Variants in CNTNAP2 observed in about 807,000 individuals in gnomAD.
The protein encoded by CNTNAP2 is contactin associated protein 2.
Under a neutral mutation model 155.2 loss-of-function variants are expected in CNTNAP2, and 98 were observed. The observed-to-expected ratio is 0.63, with a 90% CI of 0.54 to 0.75. The LOEUF (loss-of-function observed/expected upper bound fraction) is 0.75. Among genes scored for constraint, CNTNAP2 ranks in the 30% least tolerant of loss-of-function variants. The pLI, the probability that CNTNAP2 is intolerant of heterozygous loss-of-function variation, is 0.00. For synonymous variants in CNTNAP2, 651 were observed against 631.2 expected (o/e 1.03, Z -0.47); for missense variants, 1,727 against 1,688.1 (o/e 1.02, Z -0.40).
At chr7:146,603,208 C>T (rs945265514) in intron 1 of CNTNAP2, among the ~76,000 whole-genome samples, 4 of 151,160 alleles carry the variant, frequency 2.6e-5, no homozygotes, top group Admixed American at 6.6e-5. Context: ...GTCAGGAGAT[C>T]GAGACCATCC....
At chr7:146,952,792 A>C (rs986990161) in intron 3 of CNTNAP2, among the ~76,000 whole-genome samples, 1 of 151,936 alleles carries the variant, frequency 6.6e-6, no homozygotes, top group Admixed American at 6.6e-5. Context: ...CTTTTCTTAC[A>C]TTTCTAAAGG....
intron 17 of CNTNAP2, among the ~76,000 whole-genome samples, chr7:148,163,200 G>C (rs943256846): frequency 2.0e-5 from 3 of 152,162 alleles, no homozygotes; most frequent in African/African-American, 7.2e-5. Context: ...AGGCTTAAAA[G>C]CTATCCAGCC....
intron 8 of CNTNAP2, among the ~76,000 whole-genome samples, chr7:147,264,294 A>G (rs1804558225): frequency 6.6e-6 from 1 of 152,156 alleles, no homozygotes; most frequent in African/African-American, 2.4e-5. Context: ...CCAGAGAAGC[A>G]TGGAATTTTA....
chr7:147,040,111 G>A (rs536460857), intron 3 of CNTNAP2, among the ~76,000 whole-genome samples: 1 of 152,084 alleles, frequency 6.6e-6, no homozygotes, highest in Non-Finnish European at 1.5e-5. Context: ...ATTTACAAGA[G>A]TAAAACAACC....
At chr7:146,891,787 T>G (rs1001047029) in intron 3 of CNTNAP2, among the ~76,000 whole-genome samples, 1 of 152,156 alleles carries the variant, frequency 6.6e-6, no homozygotes, top group African/African-American at 2.4e-5. Flanking sequence ...GCAGGCCTCG[T>G]CAACACAGCA....
intron 21 of CNTNAP2, among the ~76,000 whole-genome samples, chr7:148,332,014 C>T (rs1585281692): frequency 6.6e-6 from 1 of 152,112 alleles, no homozygotes; most frequent in Non-Finnish European, 1.5e-5. Context: ...TCCTCCCAGA[C>T]CAGGGAAGCA....
chr7:146,200,278 G>A (rs935650725), intron 1 of CNTNAP2, among the ~76,000 whole-genome samples: 2 of 151,954 alleles, frequency 1.3e-5, no homozygotes, highest in Non-Finnish European at 2.9e-5. Context: ...GGCGGATCAC[G>A]ATGTCAAGAG....
rs978318100 is a variant in CNTNAP2 at position 146,634,210 on chromosome 7, T to C, written c.98-140061T>C. On this transcript the variant is annotated intron_variant, in intron 1 of 23. Coordinates refer to ENST00000361727, the MANE Select transcript of CNTNAP2 (RefSeq NM_014141.6). ...ATGAGATTACAGTGTGGCTATTCTT[T>C]TGTAACAAAGTACTTGATTATCTAG... Among the ~76,000 whole-genome samples the C allele has an allele frequency of 2.6e-5, 4 of 152,190 alleles. No individual in the cohort carries two copies. The South Asian group carries it at 6.2e-4, about 24-fold the overall frequency.
chr7:148,360,089 G>T (rs1283407368), intron 21 of CNTNAP2, among the ~76,000 whole-genome samples: 1 of 152,202 alleles, frequency 6.6e-6, no homozygotes, highest in Non-Finnish European at 1.5e-5. Context: ...TGAAAGGGAA[G>T]GGGGCTCACA....
intron 15 of CNTNAP2, among the ~76,000 whole-genome samples, chr7:148,079,601 C>A (rs1419731793): frequency 6.6e-6 from 1 of 152,190 alleles, no homozygotes; most frequent in Non-Finnish European, 1.5e-5. Flanking sequence ...GGATTCTCTA[C>A]AGAAGTTAGA....
chr7:146,610,494 T>A (rs1799118577), intron 1 of CNTNAP2, among the ~76,000 whole-genome samples: 1 of 152,106 alleles, frequency 6.6e-6, no homozygotes, highest in Admixed American at 6.6e-5. Flanking sequence ...TAGAGCATAA[T>A]GTAGGTAGAT....
chr7:147,599,355 A>G (rs7781205), intron 12 of CNTNAP2, among the ~76,000 whole-genome samples: 104,516 of 151,352 alleles, frequency 0.69, 36,669 homozygotes, highest in African/African-American at 0.81. Context: ...ATTAGCCGGC[A>G]TGGTGTAATC....
chr7:146,580,149 A>G (rs1395288437), intron 1 of CNTNAP2, among the ~76,000 whole-genome samples: 1 of 152,156 alleles, frequency 6.6e-6, no homozygotes, highest in Non-Finnish European at 1.5e-5. Context: ...CTGGTTTATT[A>G]ATGTATAGAA....
chr7:148,379,504 G>A (rs1799004173), intron 21 of CNTNAP2, among the ~76,000 whole-genome samples: 2 of 151,710 alleles, frequency 1.3e-5, no homozygotes, highest in Non-Finnish European at 2.9e-5. Context: ...AGTTGTTTGG[G>A]ACCAACCTGG....
intron 8 of CNTNAP2, among the ~76,000 whole-genome samples, chr7:147,236,575 G>T (rs1175240561): frequency 8.1e-5 from 12 of 148,562 alleles, no homozygotes; most frequent in Non-Finnish European, 1.5e-4. Context: ...TTTTCTTTTT[G>T]GTTGGTTTTT....
At chr7:147,212,344 GTACCCATC>G (rs2116574316) in intron 8 of CNTNAP2, among the ~76,000 whole-genome samples, 1 of 152,130 alleles carries the variant, frequency 6.6e-6, no homozygotes, top group South Asian at 2.1e-4. Context: ...ATCAACCTAG[GTACCCATC>G]AATGGTGCAT....
At chr7:147,566,446 A>G (rs962855702) in intron 12 of CNTNAP2, among the ~76,000 whole-genome samples, 1 of 151,906 alleles carries the variant, frequency 6.6e-6, no homozygotes, top group Non-Finnish European at 1.5e-5. Context: ...TCGTTCTCAC[A>G]CTGCTATGAA....
At chr7:146,249,884 TGAAAAAAA>T (rs969432206) in intron 1 of CNTNAP2, among the ~76,000 whole-genome samples, 3 of 152,000 alleles carry the variant, frequency 2.0e-5, no homozygotes, top group Non-Finnish European at 4.4e-5. Flanking sequence ...AGACTTTTCT[TGAAAAAAA>T]GAAAAAAAGA....
intron 16 of CNTNAP2, among the ~76,000 whole-genome samples, chr7:148,128,303 T>C (rs1804756791): frequency 6.6e-6 from 1 of 152,212 alleles, no homozygotes; most frequent in Admixed American, 6.5e-5. Context: ...ATCTGAAAAG[T>C]GATTCTGACT....
Sources: allele counts gnomAD v4.1 joint callset (sites outside exome capture counted in the v4.1 genomes callset), GRCh38; gene constraint gnomAD v4.1.1; transcripts MANE v1.5; gene names NCBI Gene and HGNC (gene_info 2026-07-23, HGNC 2026-07-21).